The following EIF3CL variants were observed in gnomAD, a reference collection of about 807,000 sequenced individuals.
The protein encoded by EIF3CL is eukaryotic translation initiation factor 3 subunit C like, also known as eukaryotic translation initiation factor 3 subunit C-like protein.
For synonymous variants in EIF3CL, 2 were observed against 19.6 expected, an observed-to-expected ratio of 0.10 and a Z score of 2.37; for missense variants, 5 against 56.1, an observed-to-expected ratio of 0.09 and a Z score of 2.91.
the EIF3CL span, among the ~76,000 whole-genome samples, chr16:28,411,570 C>CGA: frequency 3.3e-5 from 2 of 61,492 alleles, no homozygotes; most frequent in African/African-American, 1.4e-4. Flanking sequence ...TGCATCATCA[C>CGA]ACCTGGCTAA....
intron 8 of EIF3CL, among the ~76,000 whole-genome samples, chr16:28,392,812 CTT>C (rs1388602320): frequency 6.7e-6 from 1 of 149,820 alleles, no homozygotes; most frequent in East Asian, 2.0e-4. Flanking sequence ...TGTTTTATCG[CTT>C]TCTCTCCTCT....
the EIF3CL span, among the ~76,000 whole-genome samples, chr16:28,418,090 C>G: frequency 6.6e-6 from 1 of 150,912 alleles, no homozygotes; most frequent in East Asian, 1.9e-4. Context: ...AAAAAGAATC[C>G]CAGCCTCTGT....
At chr16:28,416,599 C>A in the EIF3CL span, among the ~76,000 whole-genome samples, 1 of 42,200 alleles carries the variant, frequency 2.4e-5, no homozygotes, top group Non-Finnish European at 4.8e-5. Flanking sequence ...GTGAGGAGAC[C>A]CTCTGCCTGG....
the EIF3CL span, among the ~76,000 whole-genome samples, chr16:28,416,773 C>T: frequency 5.9e-5 from 6 of 101,662 alleles, no homozygotes; most frequent in Admixed American, 2.1e-4. Context: ...TCAGCCCCCC[C>T]ACCCGGCCAG....
At chr16:28,410,931 T>C in the EIF3CL span, among the ~76,000 whole-genome samples, 1 of 127,634 alleles carries the variant, frequency 7.8e-6, no homozygotes, top group Admixed American at 8.7e-5. Flanking sequence ...TTCATATAAA[T>C]AGAATCATAA....
At chr16:28,410,879 G>C in the EIF3CL span, among the ~76,000 whole-genome samples, 1 of 116,616 alleles carries the variant, frequency 8.6e-6, no homozygotes, top group Non-Finnish European at 1.9e-5. Context: ...GGGATTACAA[G>C]CATGAGCCAC....
rs1221118480 is a variant in EIF3CL at position 28,386,780 on chromosome 16, A to C, written c.1821+1278T>G. Among the ~76,000 whole-genome samples, 62 of 83,482 alleles carry C rather than the reference A, an allele frequency of 7.4e-4. 13 individuals carry two copies. The highest frequency in any genetic ancestry group is 1.5e-3 in the African/African-American group (32 of 20,820). 54.8% of individuals were successfully genotyped at this position (83,482 alleles called of 152,430 possible). A position where few individuals can be genotyped will look rare whatever the true frequency, so the allele number is the denominator to read the frequency against. On this transcript the variant is annotated intron_variant, in intron 15 of 20. Transcript: ENST00000380876. Reference sequence around the variant, plus strand: ...AACACACACACACACACACACACACACCCCTAAAAGATACACACACACACA... The same window carrying C: ...AACACACACACACACACACACACACCCCCCTAAAAGATACACACACACACA...
chr16:28,422,395 A>G, the EIF3CL span, among the ~76,000 whole-genome samples: 1 of 105,860 alleles, frequency 9.4e-6, no homozygotes, highest in African/African-American at 3.2e-5. Flanking sequence ...CCCACCACCA[A>G]GCCTGGCTAA....
chr16:28,416,808 C>T, the EIF3CL span, among the ~76,000 whole-genome samples: 34 of 78,614 alleles, frequency 4.3e-4, no homozygotes, highest in African/African-American at 1.3e-3. Context: ...AGGTGAGGGG[C>T]GCCTCTGCCC....
At chr16:28,402,404 C>T (rs1323401359) in intron 2 of EIF3CL, among the ~76,000 whole-genome samples, 1 of 138,942 alleles carries the variant, frequency 7.2e-6, no homozygotes, top group Non-Finnish European at 1.5e-5. Flanking sequence ...ATTCTCCTGC[C>T]TCAGCCTCCT....
At chr16:28,385,240 G>A (rs2045594359) in intron 15 of EIF3CL, among the ~76,000 whole-genome samples, 1 of 121,462 alleles carries the variant, frequency 8.2e-6, no homozygotes, top group Non-Finnish European at 1.9e-5. Context: ...TCCAGCTTGG[G>A]TGACAGAGTG....
At chr16:28,417,524 C>T in the EIF3CL span, among the ~76,000 whole-genome samples, 1 of 114,706 alleles carries the variant, frequency 8.7e-6, no homozygotes, top group African/African-American at 3.2e-5. Context: ...TACCCCCAAC[C>T]CTGTGCTCTC....
the EIF3CL span, among the ~76,000 whole-genome samples, chr16:28,421,546 G>A: frequency 4.5e-3 from 89 of 19,626 alleles, no homozygotes; most frequent in African/African-American, 0.013. Flanking sequence ...CTCTGGCCAG[G>A]TGCGGTGGCT....
intron 13 of EIF3CL, among the ~76,000 whole-genome samples, chr16:28,389,386 C>A: frequency 1.1e-5 from 1 of 92,314 alleles, no homozygotes; most frequent in Admixed American, 1.4e-4. Flanking sequence ...TTGAGTAGAG[C>A]CAGGGTTTTG....
the EIF3CL span, among the ~76,000 whole-genome samples, chr16:28,422,661 C>T: frequency 1.8e-3 from 257 of 145,190 alleles, no homozygotes; most frequent in East Asian, 0.037. Context: ...AGTGAAACCC[C>T]GTCTTTACTA....
At chr16:28,422,727 C>A in the EIF3CL span, among the ~76,000 whole-genome samples, 1 of 141,604 alleles carries the variant, frequency 7.1e-6, no homozygotes, top group South Asian at 2.2e-4. Flanking sequence ...ATCCCAGCTA[C>A]TTGGGAGGCT....
chr16:28,414,301 C>T, the EIF3CL span: 6 of 281,576 alleles, frequency 2.1e-5, no homozygotes, highest in Non-Finnish European at 4.2e-5. Flanking sequence ...GAGGCTGAGG[C>T]AGGAGAATCG....
At chr16:28,422,713 T>C in the EIF3CL span, among the ~76,000 whole-genome samples, 1 of 143,054 alleles carries the variant, frequency 7.0e-6, no homozygotes, top group African/African-American at 2.6e-5. Flanking sequence ...GGCGGGCACC[T>C]GTAATCCCAG....
upstream of EIF3CL, among the ~76,000 whole-genome samples, chr16:28,405,363 CT>C (rs1430220377): frequency 9.3e-3 from 54 of 5,810 alleles, 3 homozygotes; most frequent in African/African-American, 0.054. Flanking sequence ...CCATAAATAT[CT>C]TTTTTTTTTT....
Sources: gnomAD v4.1 joint callset for allele counts (sites outside exome capture counted in the v4.1 genomes callset) on GRCh38, gnomAD v4.1.1 for gene constraint, MANE v1.5 for transcripts, NCBI Gene and HGNC (gene_info 2026-07-23, HGNC 2026-07-21) for gene names.